CDH18: variants seen among roughly 807,000 people sequenced by gnomAD.
The protein encoded by CDH18 is cadherin 18.
In CDH18, 31 loss-of-function variants were observed where a neutral mutation model predicts 67.9. That is an observed-to-expected ratio of 0.46 (90% confidence interval 0.34 to 0.62). The LOEUF is 0.62. CDH18 is among the 20% of genes least tolerant of loss of function. CDH18 has a pLI of 0.01. For synonymous variants in CDH18, 362 were observed against 347.2 expected, an observed-to-expected ratio of 1.04 and a Z score of -0.48; for missense variants, 890 against 975.5, an observed-to-expected ratio of 0.91 and a Z score of 1.17.
At chr5:20,062,092 C>T (rs989121721) in intron 2 of CDH18, among the ~76,000 whole-genome samples, 3 of 151,068 alleles carry the variant, frequency 2.0e-5, no homozygotes, top group African/African-American at 7.3e-5. Flanking sequence ...TCAGTAAATA[C>T]CCTAAAATCA....
chr5:20,486,125 A>T (rs575699855), intron 1 of CDH18, among the ~76,000 whole-genome samples: 3 of 152,322 alleles, frequency 2.0e-5, no homozygotes, highest in African/African-American at 7.2e-5. Flanking sequence ...GTGCCTTCTT[A>T]AAACCCCAGT....
chr5:19,996,414 G>A (rs1736024255), intron 2 of CDH18, among the ~76,000 whole-genome samples: 1 of 151,930 alleles, frequency 6.6e-6, no homozygotes, highest in Non-Finnish European at 1.5e-5. Context: ...ATGATTTAAT[G>A]AACATCACAG....
chr5:19,952,025 A>T lies in CDH18; in HGVS notation c.-257+29035T>A, dbSNP rs111776241. ...CCTTATTTTTCTATGTAATTATCCT[A>T]ATTATACTTTTCCAATTTATTTTAT... On this transcript the variant is annotated intron_variant, in intron 2 of 12. Coordinates refer to ENST00000382275, the MANE Select transcript of CDH18 (RefSeq NM_004934.5). 2.6e-3 allele frequency among the ~76,000 whole-genome samples: 388 copies of T among 152,084 alleles called. 7 individuals are homozygous for T. The highest frequency in any genetic ancestry group is 7.2e-3 in the African/African-American group (297 of 41,496).
At chr5:19,614,972 C>T (rs1478998528) in intron 5 of CDH18, among the ~76,000 whole-genome samples, 1 of 151,948 alleles carries the variant, frequency 6.6e-6, no homozygotes, top group Non-Finnish European at 1.5e-5. Flanking sequence ...ATGGTGAAAC[C>T]CCGTCTCTAC....
intron 1 of CDH18, among the ~76,000 whole-genome samples, chr5:20,275,405 G>T (rs1051734756): frequency 1.3e-5 from 2 of 152,032 alleles, no homozygotes; most frequent in Non-Finnish European, 2.9e-5. Context: ...GTTTTCTGAG[G>T]CCTCCTTATC....
chr5:20,493,253 G>T (rs1753694010), intron 1 of CDH18, among the ~76,000 whole-genome samples: 1 of 150,188 alleles, frequency 6.7e-6, no homozygotes, highest in South Asian at 2.1e-4. Flanking sequence ...GGAGGCTGAG[G>T]CAGGAGAATT....
At chr5:20,223,758 TA>T (rs1009331695) in intron 2 of CDH18, among the ~76,000 whole-genome samples, 1 of 152,064 alleles carries the variant, frequency 6.6e-6, no homozygotes, top group Non-Finnish European at 1.5e-5. Context: ...ATAGGATTTA[TA>T]AAGGGTAGTT....
chr5:20,540,636 CATA>C (rs1478992044), intron 1 of CDH18, among the ~76,000 whole-genome samples: 45 of 152,258 alleles, frequency 3.0e-4, no homozygotes, highest in Non-Finnish European at 5.0e-4. Context: ...CTGAATCTGA[CATA>C]TTGGTAGCAC....
chr5:19,917,032 G>A (rs574287146), intron 2 of CDH18, among the ~76,000 whole-genome samples: 72 of 152,090 alleles, frequency 4.7e-4, no homozygotes, highest in African/African-American at 1.3e-3. Context: ...AAATTACTTC[G>A]AAAAAATCTG....
chr5:19,543,353 CA>C (rs1735739869), intron 9 of CDH18, among the ~76,000 whole-genome samples: 1 of 151,992 alleles, frequency 6.6e-6, no homozygotes, highest in African/African-American at 2.4e-5. Context: ...AACTGTAGAT[CA>C]CGTATGTTAC....
At chr5:19,733,673 C>T (rs1767915272) in intron 4 of CDH18, among the ~76,000 whole-genome samples, 1 of 152,114 alleles carries the variant, frequency 6.6e-6, no homozygotes, top group Non-Finnish European at 1.5e-5. Flanking sequence ...GCAGCAGGTC[C>T]AAGCCAGTCC....
intron 3 of CDH18, among the ~76,000 whole-genome samples, chr5:19,836,294 A>C (rs1413715817): frequency 1.3e-5 from 2 of 152,146 alleles, no homozygotes; most frequent in African/African-American, 4.8e-5. Flanking sequence ...ACAGTGGAAA[A>C]GTGTTCCTAT....
intron 3 of CDH18, among the ~76,000 whole-genome samples, chr5:19,748,683 T>C (rs945087800): frequency 1.7e-4 from 26 of 152,148 alleles, no homozygotes; most frequent in Admixed American, 1.3e-4. Context: ...TTTCTTGCCA[T>C]AGTAACATGA....
At chr5:20,428,748 C>T (rs200876228) in intron 1 of CDH18, among the ~76,000 whole-genome samples, 24 of 152,094 alleles carry the variant, frequency 1.6e-4, no homozygotes, top group African/African-American at 4.3e-4. Flanking sequence ...TACAATAAGA[C>T]GTATATAAGC....
chr5:20,412,977 G>A (rs1029391957), intron 1 of CDH18, among the ~76,000 whole-genome samples: 14 of 151,978 alleles, frequency 9.2e-5, no homozygotes, highest in African/African-American at 2.4e-4. Flanking sequence ...CGCACCCCAC[G>A]ACAGGCCCCG....
chr5:19,739,768 C>A (rs969938630), intron 4 of CDH18, among the ~76,000 whole-genome samples: 1 of 152,110 alleles, frequency 6.6e-6, no homozygotes, highest in Non-Finnish European at 1.5e-5. Flanking sequence ...TAAAATGATA[C>A]CATTCTGAAC....
intron 1 of CDH18, among the ~76,000 whole-genome samples, chr5:20,544,100 T>C (rs1441638359): frequency 6.6e-6 from 1 of 152,178 alleles, no homozygotes; most frequent in African/African-American, 2.4e-5. Flanking sequence ...AGTACATAGG[T>C]GATTAGGTTT....
At chr5:20,037,305 G>A (rs1395543747) in intron 2 of CDH18, among the ~76,000 whole-genome samples, 1 of 151,866 alleles carries the variant, frequency 6.6e-6, no homozygotes, top group Admixed American at 6.6e-5. Context: ...TGTAAGGCAG[G>A]GCTGGTAGTC....
chr5:19,503,126 C>A lies in CDH18; in HGVS notation c.1513-17G>T. 4 of 1,251,028 alleles carry A rather than the reference C, an allele frequency of 3.2e-6. No individual in the cohort carries two copies. The highest frequency in any genetic ancestry group is 4.7e-6 in the Non-Finnish European group (4 of 856,662). The allele number at this position is 1,251,028 out of a possible 1,614,324, so 77.5% of individuals were successfully genotyped here. ...ATGAATAACCTAAAGAAAAGACAAA[C>A]TCTAAATCGTAAATTTAATTTTGCT... On this transcript the variant is annotated splice_polypyrimidine_tract_variant and intron_variant, in intron 10 of 12. Coordinates refer to ENST00000382275, the MANE Select transcript of CDH18 (RefSeq NM_004934.5).
Sources: allele counts gnomAD v4.1 joint callset (sites outside exome capture counted in the v4.1 genomes callset), GRCh38; gene constraint gnomAD v4.1.1; transcripts MANE v1.5; gene names NCBI Gene and HGNC (gene_info 2026-07-23, HGNC 2026-07-21).